SLIT2: variants seen among roughly 807,000 people sequenced by gnomAD.
The protein encoded by SLIT2 is slit homolog 2 protein.
In SLIT2, 41 loss-of-function variants were observed where a neutral mutation model predicts 185.7. That is an observed-to-expected ratio of 0.22 (90% CI 0.17 to 0.29). The LOEUF is 0.29. Ranked by LOEUF, SLIT2 falls within the 10% of genes least tolerant of loss-of-function variation. SLIT2 has a pLI of 1.00. For missense variants in SLIT2, 1,571 were observed against 1,909.0 expected, an observed-to-expected ratio of 0.82 and a Z score of 3.30; for synonymous variants, 693 against 680.2, an observed-to-expected ratio of 1.02 and a Z score of -0.29.
intron 4 of SLIT2, among the ~76,000 whole-genome samples, chr4:20,348,997 A>G (rs1337286215): frequency 6.6e-6 from 1 of 152,180 alleles, no homozygotes; most frequent in Admixed American, 6.5e-5. Context: ...TTTTCCTAGA[A>G]TCAGTAGTAG....
chr4:20,613,328 A>G (rs1729387761), intron 34 of SLIT2, among the ~76,000 whole-genome samples: 1 of 152,224 alleles, frequency 6.6e-6, no homozygotes, highest in Admixed American at 6.5e-5. Flanking sequence ...AGCCACAAAA[A>G]AAGAATTGAG....
chr4:20,390,988 A>G (rs1725371770), intron 4 of SLIT2, among the ~76,000 whole-genome samples: 1 of 152,026 alleles, frequency 6.6e-6, no homozygotes, highest in African/African-American at 2.4e-5. Flanking sequence ...AATTTTTTCC[A>G]GAATTTTAAT....
At chr4:20,396,767 G>A (rs116369855) in intron 4 of SLIT2, among the ~76,000 whole-genome samples, 2,601 of 147,588 alleles carry the variant, frequency 0.018, 32 homozygotes, top group Middle Eastern at 0.029. Context: ...TTACCCCTTT[G>A]TGTATGCATA....
At chr4:20,351,560 G>A (rs1721879606) in intron 4 of SLIT2, among the ~76,000 whole-genome samples, 1 of 152,004 alleles carries the variant, frequency 6.6e-6, no homozygotes, top group East Asian at 1.9e-4. Context: ...AGCTCCCCAG[G>A]TTACTCAATT....
At chr4:20,382,557 C>T (rs1002250320) in intron 4 of SLIT2, among the ~76,000 whole-genome samples, 1 of 151,982 alleles carries the variant, frequency 6.6e-6, no homozygotes, top group African/African-American at 2.4e-5. Flanking sequence ...TCACCATTGA[C>T]AATAGGATCA....
intron 18 of SLIT2, among the ~76,000 whole-genome samples, chr4:20,535,054 A>C (rs1186462271): frequency 6.6e-6 from 1 of 152,032 alleles, no homozygotes; most frequent in Non-Finnish European, 1.5e-5. Flanking sequence ...TAATCCCAGC[A>C]CTTTGGGAGG....
At chr4:20,503,633 T>A (rs984230020) in intron 9 of SLIT2, among the ~76,000 whole-genome samples, 11 of 152,272 alleles carry the variant, frequency 7.2e-5, no homozygotes, top group African/African-American at 2.6e-4. Flanking sequence ...ATATGTGTCC[T>A]TGTGAATATA....
At chr4:20,555,310 G>A (rs1045393915) in intron 26 of SLIT2, among the ~76,000 whole-genome samples, 4 of 152,106 alleles carry the variant, frequency 2.6e-5, no homozygotes, top group African/African-American at 9.7e-5. Context: ...ACGTACTTAA[G>A]TAGGTAATGC....
At chr4:20,463,943 C>T (rs1182747358) in intron 4 of SLIT2, among the ~76,000 whole-genome samples, 1 of 151,906 alleles carries the variant, frequency 6.6e-6, no homozygotes, top group Admixed American at 6.6e-5. Flanking sequence ...TTTTGATTTC[C>T]CAACTTCATT....
chr4:20,272,726 T>G (rs894622459), intron 4 of SLIT2, among the ~76,000 whole-genome samples: 3 of 152,140 alleles, frequency 2.0e-5, no homozygotes, highest in African/African-American at 7.2e-5. Flanking sequence ...TTTTAGAAAC[T>G]CATTTTTCAC....
At chr4:20,548,343 G>T (rs1234218597) in intron 22 of SLIT2, 145 bp from the exon 23 acceptor site, 1 of 588,280 alleles carries the variant, frequency 1.7e-6, no homozygotes, top group Non-Finnish European at 3.0e-6. Flanking sequence ...ACTCCAGTGG[G>T]TCGTTCACTG....
At chr4:20,277,260 G>A (rs1714257677) in intron 4 of SLIT2, among the ~76,000 whole-genome samples, 1 of 152,002 alleles carries the variant, frequency 6.6e-6, no homozygotes, top group Admixed American at 6.6e-5. Context: ...TTTCCTGGGA[G>A]GTTTTAATAT....
In SLIT2 at chr4:20,253,118, G is replaced by C. The variant is rs1036185058; in HGVS notation, c.-698G>C. 3 of 153,414 alleles carry C rather than the reference G, an allele frequency of 2.0e-5. No individual in the cohort carries two copies. Among genetic ancestry groups the C allele is most frequent in the African/African-American group, 7.2e-5 (3 of 41,476 alleles). The allele number at this position is 153,414 out of a possible 1,614,324, so 9.5% of individuals were successfully genotyped here. A position where few individuals can be genotyped will look rare whatever the true frequency, so the allele number is the denominator to read the frequency against. ...CATGTGTGTTTGTAAACCATCGTTG[G>C]CTGTCGGGAGACCGCGAGGACCGGT... On this transcript the variant is annotated 5_prime_UTR_variant, in exon 1 of 37. Coordinates refer to ENST00000504154, the MANE Select transcript of SLIT2 (RefSeq NM_004787.4).
intron 18 of SLIT2, among the ~76,000 whole-genome samples, chr4:20,535,039 G>C (rs1001947537): frequency 6.6e-6 from 1 of 152,098 alleles, no homozygotes; most frequent in African/African-American, 2.4e-5. Flanking sequence ...GGTGGCTCAT[G>C]CCTGTAATCC....
chr4:20,352,433 G>C (rs1721960869), intron 4 of SLIT2, among the ~76,000 whole-genome samples: 1 of 152,118 alleles, frequency 6.6e-6, no homozygotes, highest in East Asian at 1.9e-4. Flanking sequence ...TTAGAGAGTA[G>C]AGGAGTTTGT....
intron 4 of SLIT2, among the ~76,000 whole-genome samples, chr4:20,279,829 T>A (rs1158229336): frequency 6.6e-6 from 1 of 152,230 alleles, no homozygotes; most frequent in Non-Finnish European, 1.5e-5. Flanking sequence ...CACATATAAT[T>A]CTTTAATCGT....
At chr4:20,568,840 T>G (rs758468935) in intron 28 of SLIT2, 25 bp from the exon 29 acceptor site, 1 of 1,603,528 alleles carries the variant, frequency 6.2e-7, no homozygotes, top group East Asian at 2.2e-5. Flanking sequence ...AAGATGTTTT[T>G]TGCCTTTTCT....
At chr4:20,286,496 T>C (rs1715278953) in intron 4 of SLIT2, among the ~76,000 whole-genome samples, 1 of 152,108 alleles carries the variant, frequency 6.6e-6, no homozygotes, top group African/African-American at 2.4e-5. Context: ...TGGCCAGAAG[T>C]ATCCTCCTAA....
intron 4 of SLIT2, among the ~76,000 whole-genome samples, chr4:20,269,820 C>A (rs1020640987): frequency 6.6e-6 from 1 of 151,774 alleles, no homozygotes; most frequent in Non-Finnish European, 1.5e-5. Context: ...ATGTGGTTAT[C>A]AATTCCAGAA....
Sources: gnomAD v4.1 joint callset for allele counts (sites outside exome capture counted in the v4.1 genomes callset) on GRCh38, gnomAD v4.1.1 for gene constraint, MANE v1.5 for transcripts, NCBI Gene and HGNC (gene_info 2026-07-23, HGNC 2026-07-21) for gene names.